Variants in FRMD4A observed in about 807,000 individuals in gnomAD.
FRMD4A encodes FERM domain containing 4A, also known as FERM domain-containing protein 4A.
A neutral mutation model predicts 129.1 loss-of-function variants in FRMD4A; 29 were observed. The observed-to-expected ratio is 0.22, with a 90% CI of 0.17 to 0.31. FRMD4A has a LOEUF of 0.31. Among genes scored for constraint, FRMD4A ranks in the 10% least tolerant of loss-of-function variants. FRMD4A has a pLI of 1.00. For missense variants in FRMD4A, 1,272 were observed against 1,375.8 expected (o/e 0.92, Z 1.19); for synonymous variants, 634 against 571.6 (o/e 1.11, Z -1.56).
chr10:13,912,587 G>T (rs2094953965), intron 2 of FRMD4A, among the ~76,000 whole-genome samples: 1 of 146,924 alleles, frequency 6.8e-6, no homozygotes, highest in Non-Finnish European at 1.5e-5. Context: ...AGAGTGCAGT[G>T]GCGCGATCTC....
chr10:14,327,822 C>G (rs777835333), intron 2 of FRMD4A, among the ~76,000 whole-genome samples: 2 of 152,198 alleles, frequency 1.3e-5, no homozygotes, highest in Non-Finnish European at 2.9e-5. Flanking sequence ...AGGCTACTTT[C>G]CTCAGTGAGC....
chr10:13,779,820 G>A (rs76079766), intron 6 of FRMD4A, among the ~76,000 whole-genome samples: 1 of 150,190 alleles, frequency 6.7e-6, no homozygotes, highest in Non-Finnish European at 1.5e-5. Flanking sequence ...ATCTCAAAAG[G>A]CGTTGTGAAG....
intron 2 of FRMD4A, among the ~76,000 whole-genome samples, chr10:14,302,254 G>T (rs1039590432): frequency 6.6e-6 from 1 of 152,144 alleles, no homozygotes; most frequent in Non-Finnish European, 1.5e-5. Flanking sequence ...GGCTGATCTA[G>T]TTGGTTTGGG....
At chr10:13,851,779 A>G (rs1252928331) in intron 3 of FRMD4A, among the ~76,000 whole-genome samples, 1 of 151,922 alleles carries the variant, frequency 6.6e-6, no homozygotes, top group Non-Finnish European at 1.5e-5. Context: ...GCCTGCCTGT[A>G]ATCCCAGCCA....
intron 2 of FRMD4A, among the ~76,000 whole-genome samples, chr10:14,138,025 C>G (rs942289273): frequency 1.6e-4 from 25 of 152,292 alleles, no homozygotes; most frequent in African/African-American, 6.0e-4. Flanking sequence ...TTGTTAGATA[C>G]AAAGACCACC....
intron 2 of FRMD4A, among the ~76,000 whole-genome samples, chr10:14,236,390 T>G (rs1843815280): frequency 6.6e-6 from 1 of 152,060 alleles, no homozygotes; most frequent in Non-Finnish European, 1.5e-5. Flanking sequence ...GGAGTGAGAC[T>G]AGAGAACTAC....
chr10:13,797,139 G>A (rs1301742837), intron 4 of FRMD4A, among the ~76,000 whole-genome samples: 5 of 152,198 alleles, frequency 3.3e-5, no homozygotes, highest in Non-Finnish European at 7.3e-5. Flanking sequence ...GGAAAGTGAA[G>A]GGATTGAGAC....
At chr10:13,992,555 C>A (rs2095607001) in intron 2 of FRMD4A, among the ~76,000 whole-genome samples, 1 of 152,190 alleles carries the variant, frequency 6.6e-6, no homozygotes, top group South Asian at 2.1e-4. Context: ...TAAACATCAG[C>A]CCTCAATAGA....
In FRMD4A at chr10:13,934,986, T is replaced by A. The variant is rs549684809; in HGVS notation, c.46-76074A>T. Among the ~76,000 whole-genome samples, 10 of 152,296 alleles carry A rather than the reference T, an allele frequency of 6.6e-5. No individual in the cohort carries two copies. In the South Asian group the frequency reaches 1.9e-3, roughly 28 times the overall value. ...GGCACTTTCTTGTTGTGTTCTTACA[T>A]GCCAGAAGGGTAAGGCGGCTCTCTA... On this transcript the variant is annotated intron_variant, in intron 2 of 24. Transcript: ENST00000357447.
chr10:13,944,783 A>G (rs1343475336), intron 2 of FRMD4A, among the ~76,000 whole-genome samples: 2 of 152,220 alleles, frequency 1.3e-5, no homozygotes, highest in African/African-American at 4.8e-5. Flanking sequence ...AAAGGCTTAA[A>G]AAATACATTC....
intron 2 of FRMD4A, among the ~76,000 whole-genome samples, chr10:14,212,777 G>C (rs922033938): frequency 5.3e-5 from 8 of 152,180 alleles, no homozygotes; most frequent in Non-Finnish European, 8.8e-5. Context: ...TGCTGGGATG[G>C]TTTACTTATG....
chr10:14,037,135 T>TTA (rs1372533098), intron 2 of FRMD4A, among the ~76,000 whole-genome samples: 2 of 152,344 alleles, frequency 1.3e-5, no homozygotes, highest in East Asian at 3.9e-4. Flanking sequence ...CCATTGGTGA[T>TTA]TATATATACA....
chr10:13,913,304 T>C (rs2094963310), intron 2 of FRMD4A, among the ~76,000 whole-genome samples: 1 of 152,198 alleles, frequency 6.6e-6, no homozygotes, highest in Non-Finnish European at 1.5e-5. Context: ...TGTGTGGGGA[T>C]GATAGCTTAT....
At chr10:14,117,508 C>T (rs1221361472) in intron 2 of FRMD4A, among the ~76,000 whole-genome samples, 1 of 152,186 alleles carries the variant, frequency 6.6e-6, no homozygotes, top group Non-Finnish European at 1.5e-5. Context: ...CTGAGATTCT[C>T]ACTTAGAATT....
At chr10:14,223,988 C>G (rs185110921) in intron 2 of FRMD4A, among the ~76,000 whole-genome samples, 1 of 152,090 alleles carries the variant, frequency 6.6e-6, no homozygotes, top group Non-Finnish European at 1.5e-5. Context: ...TCATCTGCAT[C>G]GGGAGTTTGC....
intron 11 of FRMD4A, 86 bp from the exon 12 acceptor site, chr10:13,738,016 AC>A: frequency 1.3e-6 from 1 of 778,282 alleles, no homozygotes; most frequent in Non-Finnish European, 2.3e-6. Flanking sequence ...TCAGGGGCAG[AC>A]GAGGGAAAGG....
intron 2 of FRMD4A, among the ~76,000 whole-genome samples, chr10:13,997,821 G>T (rs1209223918): frequency 4.6e-5 from 7 of 151,786 alleles, no homozygotes; most frequent in Admixed American, 4.6e-4. Context: ...TTGCCATGTT[G>T]CCCAGTTTGT....
chr10:13,955,426 C>A, intron 2 of FRMD4A, among the ~76,000 whole-genome samples: 1 of 152,144 alleles, frequency 6.6e-6, no homozygotes. Context: ...CTCTTAAATG[C>A]CATTTGATGA....
chr10:13,977,700 G>A (rs1483806318), intron 2 of FRMD4A, among the ~76,000 whole-genome samples: 1 of 152,116 alleles, frequency 6.6e-6, no homozygotes, highest in Non-Finnish European at 1.5e-5. Context: ...GCAGCCTTTA[G>A]TCTCCTTTCT....
Sources: allele counts gnomAD v4.1 joint callset (sites outside exome capture counted in the v4.1 genomes callset), GRCh38; gene constraint gnomAD v4.1.1; transcripts MANE v1.5; gene names NCBI Gene and HGNC (gene_info 2026-07-23, HGNC 2026-07-21).